The following PARP4 variants were observed in gnomAD, a reference collection of about 807,000 sequenced individuals.
PARP4 encodes protein mono-ADP-ribosyltransferase PARP4.
PARP4 carries 120 observed loss-of-function variants against 187.7 expected under a neutral mutation model. The observed-to-expected ratio is 0.64, with a 90% CI of 0.55 to 0.74. PARP4 has a LOEUF of 0.74. Among genes scored for constraint, PARP4 ranks in the 30% least tolerant of loss-of-function variants. The pLI, the probability that PARP4 is intolerant of heterozygous loss-of-function variation, is 0.00. For synonymous variants in PARP4, 654 were observed against 740.9 expected (o/e 0.88, Z 1.90); for missense variants, 1,836 against 2,070.5 (o/e 0.89, Z 2.20).
At position 24,459,152 on chromosome 13, in the gene PARP4, G is replaced by C. The variant is rs4986819; in HGVS notation, c.2346-30C>G. 0.11 allele frequency: 174,754 copies of C among 1,576,166 alleles called. 10,469 individuals carry two copies. Among genetic ancestry groups the C allele is most frequent in the African/African-American group, 0.18 (13,199 of 73,498 alleles). ...CAAAAATGAAGAGAAAGTTGTCTTA[G>C]TCTACGATCTTAAATTTCTATCTGA... is the stretch of plus-strand genomic sequence containing the variant. On this transcript the variant is annotated intron_variant, in intron 19 of 33. Coordinates refer to ENST00000381989, the MANE Select transcript of PARP4 (RefSeq NM_006437.4).
chr13:24,420,973 G>C lies in PARP4; in HGVS notation c.*146C>G. 1.0e-6 allele frequency: 1 copy of C among 973,852 alleles called. No homozygotes were observed. Among genetic ancestry groups the C allele is most frequent in the Non-Finnish European group, 1.4e-6 (1 of 732,606 alleles). The allele number at this position is 973,852 out of a possible 1,614,324, so 60.3% of individuals were successfully genotyped here. A position where few individuals can be genotyped will look rare whatever the true frequency, so the allele number is the denominator to read the frequency against. On this transcript the variant is annotated 3_prime_UTR_variant, in exon 34 of 34. Coordinates refer to ENST00000381989, the MANE Select transcript of PARP4 (RefSeq NM_006437.4). The stretch of plus-strand genomic sequence containing the variant: ...TATTATTGCTTGTTAGTTGATTAAA[G>C]TAATTCTTCTTCCACTTAATTTTTA...
chr13:24,493,632 C>T lies in PARP4; in HGVS notation c.843G>A (p.Met281Ile). The T allele has an allele frequency of 1.2e-6, 2 of 1,613,952 alleles. No individual in the cohort carries two copies. The highest frequency in any genetic ancestry group is 1.7e-6 in the Non-Finnish European group (2 of 1,179,968). ...WAEALGHLEH[M>I]LLKPVNRISL... ...TAATCCTGTTCACTGGCTTGAGAAGCATGTGTTCCAGGTGGCCCAGGGCCT... is the reference window on the plus strand; with the variant it reads ...TAATCCTGTTCACTGGCTTGAGAAGTATGTGTTCCAGGTGGCCCAGGGCCT... The change falls in exon 8 of 34, where the codon ATG becomes ATA. Residue 281 changes from methionine to isoleucine, a missense_variant. Met to Ile is a conservative substitution (Grantham distance 10, BLOSUM62 1). Transcript: ENST00000381989.
chr13:24,506,258 C>T (rs1056145915), intron 1 of PARP4, among the ~76,000 whole-genome samples: 27 of 152,294 alleles, frequency 1.8e-4, no homozygotes, highest in African/African-American at 6.5e-4. Context: ...TTTACTCCTA[C>T]CGGTGGGTTC....
intron 4 of PARP4, 39 bp downstream of exon 4, chr13:24,500,277 A>G (rs917332539): frequency 8.0e-7 from 1 of 1,249,804 alleles, no homozygotes; most frequent in African/African-American, 1.5e-5. Context: ...GATTTTACAA[A>G]CTCTGTAGAG....
chr13:24,456,619 A>C, intron 20 of PARP4, 141 bp from the exon 21 acceptor site: 1 of 697,264 alleles, frequency 1.4e-6, no homozygotes, highest in Non-Finnish European at 2.1e-6. Flanking sequence ...TAAATTCCAA[A>C]ATAATGAAAT....
At chr13:24,456,067 A>G (rs1040160004) in intron 21 of PARP4, among the ~76,000 whole-genome samples, 3 of 152,194 alleles carry the variant, frequency 2.0e-5, no homozygotes, top group Non-Finnish European at 4.4e-5. Flanking sequence ...AGAATACCCA[A>G]TGTAATGTCT....
intron 17 of PARP4, among the ~76,000 whole-genome samples, chr13:24,460,440 ACG>A (rs1872155277): frequency 6.9e-6 from 1 of 145,446 alleles, no homozygotes. Context: ...CTCTCTGCAC[ACG>A]TGGGCTCTGC....
chr13:24,492,365 A>C, intron 9 of PARP4, 56 bp downstream of exon 9: 1 of 1,152,660 alleles, frequency 8.7e-7, no homozygotes, highest in Non-Finnish European at 1.2e-6. Context: ...ATTTCTAAAG[A>C]CCCCCACCCT....
intron 32 of PARP4, among the ~76,000 whole-genome samples, chr13:24,430,347 T>C (rs1323533634): frequency 1.3e-5 from 2 of 152,122 alleles, no homozygotes; most frequent in Admixed American, 1.3e-4. Context: ...ATAATGTGTA[T>C]TTTATTTAAA....
chr13:24,455,614 CTTTTTTTTTT>C (rs1233823030), intron 21 of PARP4, among the ~76,000 whole-genome samples: 1,980 of 116,286 alleles, frequency 0.017, 54 homozygotes, highest in African/African-American at 0.061. Context: ...TGTAAGTTTC[CTTTTTTTTTT>C]TTTTTTTTTT....
At chr13:24,431,298 A>G in intron 32 of PARP4, 79 bp downstream of exon 32, 1 of 781,688 alleles carries the variant, frequency 1.3e-6, no homozygotes, top group Non-Finnish European at 2.1e-6. Context: ...CTAGCTTACA[A>G]AACAGTTTAC....
At chr13:24,474,318 C>G (rs201998761) in intron 15 of PARP4, among the ~76,000 whole-genome samples, 1 of 139,768 alleles carries the variant, frequency 7.2e-6, no homozygotes, top group Non-Finnish European at 1.6e-5. Context: ...AATTGTCAAT[C>G]GTCTCCTCTA....
chr13:24,421,177 A>G lies in PARP4; in HGVS notation c.5117T>C (p.Leu1706Pro). The change falls in exon 34 of 34, where the codon CTC becomes CCC. Residue 1706 changes from leucine to proline, a missense_variant. Transcript: ENST00000381989. ...AGGGGACACAGTGCTTATGGGCTGG[A>G]GTCCCAGCAACTGCTTGGTGGCAGA... Reference protein sequence around the residue: ...WDSATKQLLGLQPISTVSPLH... With the variant: ...WDSATKQLLGPQPISTVSPLH... 6.8e-7 allele frequency: 1 copy of G among 1,472,112 alleles called. No homozygotes were observed. Among genetic ancestry groups the G allele is most frequent in the Non-Finnish European group, 9.1e-7 (1 of 1,103,384 alleles). The allele number at this position is 1,472,112 out of a possible 1,614,324, so 91.2% of individuals were successfully genotyped here.
intron 21 of PARP4, 70 bp from the exon 22 acceptor site, chr13:24,455,282 A>C: frequency 8.6e-7 from 1 of 1,159,486 alleles, no homozygotes; most frequent in Non-Finnish European, 1.2e-6. Context: ...TACTTAGAAA[A>C]CTCCAAAACT....
intron 33 of PARP4, among the ~76,000 whole-genome samples, chr13:24,423,809 G>C (rs1869882234): frequency 6.6e-6 from 1 of 151,926 alleles, no homozygotes; most frequent in Admixed American, 6.6e-5. Context: ...TTCCTGAGTA[G>C]TCACACACTA....
chr13:24,459,903 C>T, intron 18 of PARP4, 69 bp downstream of exon 18: 1 of 1,343,456 alleles, frequency 7.4e-7, no homozygotes, highest in Non-Finnish European at 1.0e-6. Flanking sequence ...GCATAAATTC[C>T]TCCACAGCCC....
At chr13:24,475,627 C>T (rs1372840905) in intron 14 of PARP4, 31 bp from the exon 15 acceptor site, 1 of 1,605,498 alleles carries the variant, frequency 6.2e-7, no homozygotes, top group East Asian at 2.2e-5. Context: ...TATTAGCTTT[C>T]AAAACCATCC....
rs1873067867 is a variant in PARP4, at chr13:24,477,867, A to C, written c.1633-10T>G. On this transcript the variant is annotated splice_polypyrimidine_tract_variant and intron_variant, in intron 13 of 33. Transcript: ENST00000381989. ...CAACAAATTCATCATCCTAGAGCAA[A>C]CAGAAATCAGTAGGTGATTAACAAC... 1 of 1,547,296 alleles carries C rather than the reference A, an allele frequency of 6.5e-7. No individual in the cohort carries two copies. Among genetic ancestry groups the C allele is most frequent in the Admixed American group, 2.2e-5 (1 of 46,070 alleles).
intron 3 of PARP4, among the ~76,000 whole-genome samples, chr13:24,500,807 A>G (rs771200555): frequency 6.6e-6 from 1 of 152,228 alleles, no homozygotes; most frequent in Non-Finnish European, 1.5e-5. Context: ...TGTACAGAGA[A>G]ACAGTAACAC....
Sources: allele counts gnomAD v4.1 joint callset (sites outside exome capture counted in the v4.1 genomes callset), GRCh38; gene constraint gnomAD v4.1.1; transcripts MANE v1.5; gene names NCBI Gene and HGNC (gene_info 2026-07-23, HGNC 2026-07-21).